Variants in ZNF142 observed in about 807,000 individuals in gnomAD.
ZNF142 encodes the protein zinc finger protein 142 (clone pHZ-49).
ZNF142 carries 96 observed loss-of-function variants against 132.1 expected under a neutral mutation model. The observed-to-expected ratio is 0.73, with a 90% confidence interval of 0.62 to 0.86. ZNF142 has a LOEUF of 0.86. Ranked by LOEUF, ZNF142 falls within the 40% of genes least tolerant of loss-of-function variation. The probability of loss-of-function intolerance (pLI) is 0.00; values close to 1 mark genes in which losing one functional copy is unlikely to be tolerated. For missense variants in ZNF142, 2,163 were observed against 2,336.2 expected, an observed-to-expected ratio of 0.93 and a Z score of 1.53; for synonymous variants, 842 against 890.1, an observed-to-expected ratio of 0.95 and a Z score of 0.96.
rs758093986 is a variant in ZNF142, at chr2:218,638,421, G to T, written c.5582C>A (p.Pro1861His). The T allele has an allele frequency of 6.4e-7, 1 of 1,558,696 alleles. No homozygotes were observed. Among genetic ancestry groups the T allele is most frequent in the Non-Finnish European group, 8.7e-7 (1 of 1,146,910 alleles). Residue 1861 changes from proline to histidine, a missense_variant, in exon 11 of 11, where the codon CCC becomes CAC. By Grantham distance (77) the Pro-to-His change is moderately conservative (BLOSUM62 -2). Around this residue, in one of 7 missense-constraint regions of ZNF142, gnomAD observed 325 missense variants for 367.8 expected, o/e 0.88. Transcript: ENST00000411696. ...CTGCACATCATGCAGGTGCACTGTG[G>T]GGGTGGTGGGGTCTTTGCCCACACC... The part of the protein sequence containing the change: ...NQGVGKDPTT[P>H]TVHLHDVQLE...
chr2:218,635,917 A>C lies in ZNF142; in HGVS notation c.*2422T>G. ...GACACAGCACGGCAGGAGACCAACT[A>C]TGTGGAGAACAATGGTGAGAAACTG... is the stretch of plus-strand genomic sequence containing the variant. On this transcript the variant is annotated 3_prime_UTR_variant, in exon 11 of 11. Transcript: ENST00000411696. The C allele has an allele frequency of 2.5e-6, 4 of 1,614,010 alleles. No homozygotes were observed. The highest frequency in any genetic ancestry group is 2.5e-6 in the Non-Finnish European group (3 of 1,179,890).
At chr2:218,657,852 T>C (rs1311525499) in intron 3 of ZNF142, among the ~76,000 whole-genome samples, 2 of 152,226 alleles carry the variant, frequency 1.3e-5, no homozygotes, top group East Asian at 1.9e-4. Context: ...CCTAGATGTA[T>C]AGCTTTTTTA....
In ZNF142 at chr2:218,636,157, C is replaced by T; in HGVS notation, c.*2182G>A. ...TTACCTGTAAAATGCTGATTGCCAT[C>T]TAGATTAAATGAGAACACAAGAAAA... On this transcript the variant is annotated 3_prime_UTR_variant, in exon 11 of 11. Transcript: ENST00000411696. 2 of 1,459,694 alleles carry T rather than the reference C, an allele frequency of 1.4e-6. No homozygotes were observed. The highest frequency in any genetic ancestry group is 4.6e-5 in the East Asian group (2 of 43,914). 90.4% of individuals were successfully genotyped at this position (1,459,694 alleles called of 1,614,324 possible). A position where few individuals can be genotyped will look rare whatever the true frequency, so the allele number is the denominator to read the frequency against.
rs748842115 is a variant in ZNF142, at chr2:218,638,527, A to G, written c.5476T>C (p.Cys1826Arg). 3.1e-6 allele frequency: 5 copies of G among 1,610,018 alleles called. No homozygotes were observed. Among genetic ancestry groups the G allele is most frequent in the Non-Finnish European group, 8.5e-7 (1 of 1,177,048 alleles). The part of the protein sequence containing the change: ...TDRHPFFCRL[C>R]NYKAKQKFQV... ...AACTTTTGCTTGGCCTTGTAGTTGC[A>G]GAGGCGGCAAAAGAAGGGGTGGCGG... The change falls in exon 11 of 11, where the codon TGC (cysteine) becomes CGC (arginine). Residue 1826 changes from cysteine to arginine, a missense_variant. By Grantham distance (180) the Cys-to-Arg change is radical. Coordinates refer to ENST00000411696, the MANE Select transcript of ZNF142 (RefSeq NM_001379659.1).
Position 218,651,617 on chromosome 2 carries a change from T to C in ZNF142, c.880+84A>G. ...ATTCTCTTATATTCATGTACATTCA[T>C]GGCCTTGGAAACAACTGCCTCTCCT... On this transcript the variant is annotated intron_variant, in intron 5 of 10. Transcript: ENST00000411696. The C allele has an allele frequency of 4.2e-6, 5 of 1,194,182 alleles. No homozygotes were observed. The South Asian group carries it at 7.6e-5, about 18-fold the overall frequency. 74.0% of individuals were successfully genotyped at this position (1,194,182 alleles called of 1,614,324 possible).
rs758557460 is a variant in ZNF142 at position 218,656,429 on chromosome 2, TCAC to T, written c.-3_-1del. ...TGTGAGTCCAAAAGGGGGTCTGTCATCACCACCGACTTGTGTGTTTTGGCTTCT... is the reference window on the plus strand; with the variant it reads ...TGTGAGTCCAAAAGGGGGTCTGTCATCACCGACTTGTGTGTTTTGGCTTCT... On this transcript the variant is annotated 5_prime_UTR_variant, in exon 4 of 11. Transcript: ENST00000411696. 7.1e-7 allele frequency: 1 copy of T among 1,417,552 alleles called. No homozygotes were observed. The allele number at this position is 1,417,552 out of a possible 1,614,324, so 87.8% of individuals were successfully genotyped here. A position where few individuals can be genotyped will look rare whatever the true frequency, so the allele number is the denominator to read the frequency against.
intron 9 of ZNF142, 49 bp downstream of exon 9, chr2:218,641,979 C>T: frequency 6.3e-7 from 1 of 1,577,552 alleles, no homozygotes; most frequent in Non-Finnish European, 8.6e-7. Flanking sequence ...CAGTTTAACT[C>T]CAGAGCCTGT....
chr2:218,648,724 T>G lies in ZNF142; in HGVS notation c.1784A>C (p.His595Pro), dbSNP rs61733646. Residue 595 changes from histidine to proline, a missense_variant, in exon 7 of 11, where the codon CAT becomes CCT. By Grantham distance (77) the His-to-Pro change is moderately conservative. This residue lies in a region of ZNF142 where 749 missense variants were observed against 830.3 expected (regional missense o/e 0.90). Transcript: ENST00000411696. ...ACACTGGTGGATCTTTTCATGAGCA[T>G]GCATCTTGCCTACATGATCCTGGTA... Reference protein sequence around the residue: ...VAYQDHVGKMHAHEKIHQCPE... With the variant: ...VAYQDHVGKMPAHEKIHQCPE... 1.7e-5 allele frequency: 27 copies of G among 1,614,118 alleles called. No individual in the cohort carries two copies. The highest frequency in any genetic ancestry group is 2.2e-5 in the Non-Finnish European group (26 of 1,180,052).
intron 10 of ZNF142, among the ~76,000 whole-genome samples, chr2:218,639,969 T>C (rs549177015): frequency 3.0e-4 from 39 of 128,310 alleles, no homozygotes; most frequent in Non-Finnish European, 5.5e-4. Flanking sequence ...GGCAGGAGAA[T>C]GGTGTGAACC....
intron 4 of ZNF142, among the ~76,000 whole-genome samples, chr2:218,652,587 T>C (rs1016139601): frequency 3.9e-5 from 6 of 152,198 alleles, no homozygotes; most frequent in African/African-American, 9.7e-5. Context: ...TAAGACAGTA[T>C]ATTTTGCCCA....
chr2:218,644,840 A>G lies in ZNF142; in HGVS notation c.2276T>C (p.Val759Ala). The change falls in exon 9 of 11, where the codon GTG (valine) becomes GCG (alanine). Residue 759 changes from valine to alanine, a missense_variant. Coordinates refer to ENST00000411696, the MANE Select transcript of ZNF142 (RefSeq NM_001379659.1). This position sits in a 1 kb window ranked among gnomAD's most constrained non-coding sequence, Gnocchi z 4.6. ...ATGCTTGCAGTTCTCATGGCTCAGC[A>G]CAGCCTGCTTGTGGCGGCTCTGGTA... is the stretch of plus-strand genomic sequence containing the variant. ...CSYQSRHKQA[V>A]LSHENCKHTR... The G allele has an allele frequency of 6.2e-7, 1 of 1,614,222 alleles. No individual in the cohort carries two copies. The highest frequency in any genetic ancestry group is 8.5e-7 in the Non-Finnish European group (1 of 1,180,032).
In ZNF142 at chr2:218,639,385, G is replaced by A. The variant is rs140872735; in HGVS notation, c.5195-577C>T. The stretch of plus-strand genomic sequence containing the variant: ...TGCCCAATGGATGCTGATGATTAAC[G>A]GGACCTCTAACCAACTAGCTACCTG... On this transcript the variant is annotated intron_variant, in intron 10 of 10. Coordinates refer to ENST00000411696, the MANE Select transcript of ZNF142 (RefSeq NM_001379659.1). Among the ~76,000 whole-genome samples, 965 of 152,290 alleles carry A rather than the reference G, an allele frequency of 6.3e-3. 9 individuals carry two copies. Among genetic ancestry groups the A allele is most frequent in the Non-Finnish European group, 0.01 (707 of 68,032 alleles).
chr2:218,656,621 A>T (rs1487205347), intron 3 of ZNF142, among the ~76,000 whole-genome samples, 158 bp from the exon 4 acceptor site: 1 of 152,198 alleles, frequency 6.6e-6, no homozygotes, highest in African/African-American at 2.4e-5. Context: ...GCTTTCTTTT[A>T]TGATAATGTT....
chr2:218,636,504 G>A lies in ZNF142; in HGVS notation c.*1835C>T, dbSNP rs1166228520. Reference sequence around the variant, plus strand: ...CACATTCACCTGCTGTCCAAAGATGGCATCAGCCTCCGCCCAGCTTCCATC... The same window carrying A: ...CACATTCACCTGCTGTCCAAAGATGACATCAGCCTCCGCCCAGCTTCCATC... On this transcript the variant is annotated 3_prime_UTR_variant, in exon 11 of 11. Transcript: ENST00000411696. 1.2e-6 allele frequency: 2 copies of A among 1,613,864 alleles called. No individual in the cohort carries two copies. Among genetic ancestry groups the A allele is most frequent in the African/African-American group, 2.7e-5 (2 of 74,912 alleles).
rs539407157 is a variant in ZNF142, at chr2:218,637,072, C to T, written c.*1267G>A. The T allele has an allele frequency of 2.6e-6, 1 of 380,436 alleles. No homozygotes were observed. The highest frequency in any genetic ancestry group is 2.0e-5 in the South Asian group (1 of 49,394). The allele number at this position is 380,436 out of a possible 1,614,324, so 23.6% of individuals were successfully genotyped here. ...AAGATTAGGGAAAGAGACTTGACCC[C>T]AGGACTGTACTACGACTCTTAAGAG... is the stretch of plus-strand genomic sequence containing the variant. On this transcript the variant is annotated 3_prime_UTR_variant, in exon 11 of 11. Transcript: ENST00000411696.
rs1938034026 is a variant in ZNF142, at chr2:218,651,907, CAG to C, written c.672_673del (p.Cys225PhefsTer94). Reference sequence around the variant, plus strand: ...AAGCAGGGGGCAGCCCCGGAAAGAACAGGGCACAGGAACTGCTCTGTGAGTCT... The same window carrying C: ...AAGCAGGGGGCAGCCCCGGAAAGAACGGCACAGGAACTGCTCTGTGAGTCT... On this transcript the variant is annotated frameshift_variant, in exon 5 of 11. Transcript: ENST00000411696. LOFTEE classifies it high-confidence loss of function. The C allele has an allele frequency of 7.8e-7, 1 of 1,281,730 alleles. No homozygotes were observed. Among genetic ancestry groups the C allele is most frequent in the Admixed American group, 2.3e-5 (1 of 43,552 alleles). The allele number at this position is 1,281,730 out of a possible 1,614,324, so 79.4% of individuals were successfully genotyped here.
rs1450712295 is a variant in ZNF142 at position 218,645,047 on chromosome 2, C to T, written c.2069G>A (p.Cys690Tyr). Reference protein sequence around the residue: ...AGDLRYQCNQCSYRCHRADQL... With the variant: ...AGDLRYQCNQYSYRCHRADQL... ...ATCAGCCCGGTGACAGCGATAGGAG[C>T]ACTGGTTGCACTGATACCTGGCAAG... The change falls in exon 9 of 11, where the codon TGC becomes TAC. Residue 690 changes from cysteine to tyrosine, a missense_variant. This residue lies in a region of ZNF142 where 749 missense variants were observed against 830.3 expected (regional missense o/e 0.90). Coordinates refer to ENST00000411696, the MANE Select transcript of ZNF142 (RefSeq NM_001379659.1). 2.5e-6 allele frequency: 4 copies of T among 1,607,818 alleles called. No individual in the cohort carries two copies. Among genetic ancestry groups the T allele is most frequent in the Non-Finnish European group, 3.4e-6 (4 of 1,175,110 alleles).
rs750264792 is a variant in ZNF142, at chr2:218,638,453, TG to T, written c.5549del (p.Pro1850GlnfsTer63). ...TGGGGTCTTTGCCCACACCCTGGTT[TG>T]GGTCGGCTTGGTCAGGGTGGTGCCT... is the stretch of plus-strand genomic sequence containing the variant. ...VRRHHPDQAD[P>X]NQGVGKDPTT... On this transcript the variant is annotated frameshift_variant, in exon 11 of 11. Coordinates refer to ENST00000411696, the MANE Select transcript of ZNF142 (RefSeq NM_001379659.1). LOFTEE classifies it high-confidence loss of function. 1 of 1,580,960 alleles carries T rather than the reference TG, an allele frequency of 6.3e-7. No homozygotes were observed. Among genetic ancestry groups the T allele is most frequent in the East Asian group, 2.3e-5 (1 of 44,370 alleles).
chr2:218,641,917 T>A, intron 9 of ZNF142, 111 bp downstream of exon 9: 1 of 1,383,288 alleles, frequency 7.2e-7, no homozygotes, highest in South Asian at 1.5e-5. Context: ...AAAGGAACTT[T>A]CCCAAAGTCA....
Sources: gnomAD v4.1 joint callset for allele counts (sites outside exome capture counted in the v4.1 genomes callset) on GRCh38, gnomAD v4.1.1 for gene constraint, gnomAD v4.1.1 regional missense constraint, Gnocchi (gnomAD v3.1) non-coding constraint, MANE v1.5 for transcripts, NCBI Gene and HGNC (gene_info 2026-07-23, HGNC 2026-07-21) for gene names.